The following SLC39A11 variants were observed in gnomAD, a reference collection of about 807,000 sequenced individuals.
SLC39A11 encodes solute carrier family 39 member 11.
In SLC39A11, 33 loss-of-function variants were observed where a neutral mutation model predicts 36.1. The observed-to-expected ratio is 0.91, with a 90% CI of 0.69 to 1.22. The LOEUF (loss-of-function observed/expected upper bound fraction) is 1.22. Ranked by LOEUF, SLC39A11 falls within the 50% of genes most tolerant of loss-of-function variation. The probability of loss-of-function intolerance (pLI) is 0.00; values close to 1 mark genes in which losing one functional copy is unlikely to be tolerated. For synonymous variants in SLC39A11, 166 were observed against 170.3 expected (o/e 0.97, Z 0.20); for missense variants, 432 against 430.3 (o/e 1.00, Z -0.03).
At chr17:72,837,550 G>C (rs4793490) in intron 6 of SLC39A11, among the ~76,000 whole-genome samples, 60,712 of 151,880 alleles carry the variant, frequency 0.4, 13,627 homozygotes, top group Non-Finnish European at 0.5. Context: ...CTACTCCAAG[G>C]TATGTACCCA....
chr17:73,088,615 G>C (rs770619475), intron 2 of SLC39A11, 42 bp downstream of exon 2: 4 of 1,532,440 alleles, frequency 2.6e-6, no homozygotes, highest in Non-Finnish European at 3.6e-6. Context: ...CTTTACCAAC[G>C]GGCTCCCCAC....
intron 7 of SLC39A11, among the ~76,000 whole-genome samples, chr17:72,651,681 G>T (rs1477459922): frequency 6.6e-6 from 1 of 152,174 alleles, no homozygotes; most frequent in East Asian, 1.9e-4. Flanking sequence ...GGACAAAGCA[G>T]CTTCCCCAGG....
chr17:72,830,280 A>C (rs936402007), intron 6 of SLC39A11, among the ~76,000 whole-genome samples: 6 of 152,060 alleles, frequency 3.9e-5, no homozygotes, highest in African/African-American at 1.4e-4. Flanking sequence ...CATAGAGCAG[A>C]TGTGATCATT....
intron 3 of SLC39A11, among the ~76,000 whole-genome samples, chr17:73,036,635 T>A (rs2058925448): frequency 6.6e-6 from 1 of 152,046 alleles, no homozygotes; most frequent in Admixed American, 6.6e-5. Context: ...TTAGTAGAGA[T>A]GGGTTTTCAC....
intron 6 of SLC39A11, among the ~76,000 whole-genome samples, chr17:72,746,365 T>G (rs2074935129): frequency 6.6e-6 from 1 of 152,092 alleles, no homozygotes. Context: ...ACACCTGTAA[T>G]CCCAGCAATT....
intron 6 of SLC39A11, among the ~76,000 whole-genome samples, chr17:72,829,396 G>C (rs2078173784): frequency 6.6e-6 from 1 of 151,970 alleles, no homozygotes; most frequent in Non-Finnish European, 1.5e-5. Context: ...CTGGAAAAGG[G>C]AGATGGGAAC....
At position 72,676,102 on chromosome 17, in the gene SLC39A11, A is replaced by ACT. The variant is rs1491475229; in HGVS notation, c.672-26836_672-26835dup. On this transcript the variant is annotated intron_variant, in intron 7 of 9. Coordinates refer to ENST00000255559, the MANE Select transcript of SLC39A11 (RefSeq NM_139177.4). The stretch of plus-strand genomic sequence containing the variant: ...CACACACACACACACACACACACAC[A>ACT]CTTGCTGTATTAAAGCAACTCTCTT... 9.4e-3 allele frequency among the ~76,000 whole-genome samples: 1,421 copies of ACT among 151,104 alleles called. 13 individuals are homozygous for ACT. The highest frequency in any genetic ancestry group is 0.015 in the South Asian group (73 of 4,770).
At chr17:72,709,590 G>C (rs955936005) in intron 7 of SLC39A11, among the ~76,000 whole-genome samples, 5 of 152,214 alleles carry the variant, frequency 3.3e-5, no homozygotes, top group African/African-American at 1.2e-4. Context: ...ATGGACAATG[G>C]CTGTTGGGCA....
intron 6 of SLC39A11, among the ~76,000 whole-genome samples, chr17:72,818,236 A>G (rs1380013057): frequency 6.6e-6 from 1 of 152,192 alleles, no homozygotes; most frequent in Non-Finnish European, 1.5e-5. Context: ...AGGTCCAATC[A>G]TCTTGACCCG....
chr17:72,865,021 C>T (rs996378423), intron 5 of SLC39A11, among the ~76,000 whole-genome samples: 10 of 152,120 alleles, frequency 6.6e-5, no homozygotes, highest in Non-Finnish European at 1.2e-4. Context: ...CCAAAATCTC[C>T]CTCTACAAAC....
intron 6 of SLC39A11, among the ~76,000 whole-genome samples, chr17:72,814,668 G>C (rs78062984): frequency 0.016 from 2,386 of 152,324 alleles, 70 homozygotes; most frequent in African/African-American, 0.054. Flanking sequence ...AAGCTATAAA[G>C]GTTAACCCGA....
Position 72,947,949 on chromosome 17 carries a change from C to T in SLC39A11, c.307-74G>A, listed in dbSNP as rs1352512355. The stretch of plus-strand genomic sequence containing the variant: ...TCCCCAGATGCTTCTGGCTCACGGG[C>T]GCCAAGGCAACTTGCCAGTCTCTAC... On this transcript the variant is annotated intron_variant, in intron 4 of 9. Transcript: ENST00000255559. 5.1e-6 allele frequency: 8 copies of T among 1,577,470 alleles called. No individual in the cohort carries two copies. In the East Asian group the frequency reaches 6.7e-5, roughly 13 times the overall value.
chr17:73,088,941 T>G (rs2060834471), intron 1 of SLC39A11, among the ~76,000 whole-genome samples, 166 bp from the exon 2 acceptor site: 1 of 152,032 alleles, frequency 6.6e-6, no homozygotes, highest in Non-Finnish European at 1.5e-5. Flanking sequence ...AGCACACAGG[T>G]CAGGCTTCTC....
chr17:72,734,802 G>A (rs548932990), intron 7 of SLC39A11, among the ~76,000 whole-genome samples: 7 of 152,162 alleles, frequency 4.6e-5, no homozygotes, highest in Admixed American at 2.6e-4. Context: ...CCTCTGCAGC[G>A]TGTGCGGTTT....
intron 6 of SLC39A11, among the ~76,000 whole-genome samples, chr17:72,778,241 GA>G: frequency 6.6e-6 from 1 of 152,274 alleles, no homozygotes; most frequent in African/African-American, 2.4e-5. Context: ...AGCAGTATTA[GA>G]ACCATCATTT....
intron 5 of SLC39A11, among the ~76,000 whole-genome samples, chr17:72,900,464 G>A (rs1156437072): frequency 6.6e-6 from 1 of 152,052 alleles, no homozygotes; most frequent in Non-Finnish European, 1.5e-5. Context: ...AAGAGAAAGA[G>A]GAATGAAGGG....
At chr17:72,910,862 G>T (rs1421688114) in intron 5 of SLC39A11, among the ~76,000 whole-genome samples, 1 of 149,264 alleles carries the variant, frequency 6.7e-6, no homozygotes, top group Non-Finnish European at 1.5e-5. Flanking sequence ...AGAAGGCAGA[G>T]GTTGCAGTGA....
chr17:73,012,773 T>C (rs1285428601), intron 4 of SLC39A11, among the ~76,000 whole-genome samples: 1 of 151,890 alleles, frequency 6.6e-6, no homozygotes. Flanking sequence ...TATTTTATTT[T>C]ATTTATTTAT....
intron 6 of SLC39A11, among the ~76,000 whole-genome samples, chr17:72,834,656 T>G (rs2145765262): frequency 6.7e-6 from 1 of 150,214 alleles, no homozygotes; most frequent in East Asian, 1.9e-4. Flanking sequence ...TAAAATAAAA[T>G]AAAATAAAAG....
Sources: allele counts gnomAD v4.1 joint callset (sites outside exome capture counted in the v4.1 genomes callset), GRCh38; gene constraint gnomAD v4.1.1; transcripts MANE v1.5; gene names NCBI Gene and HGNC (gene_info 2026-07-23, HGNC 2026-07-21).